Variants in KIF13B observed in about 807,000 individuals in gnomAD.
KIF13B encodes the protein kinesin-like protein KIF13B.
Under a neutral mutation model 222.0 loss-of-function variants are expected in KIF13B, and 127 were observed. That is an observed-to-expected ratio of 0.57 (90% CI 0.50 to 0.66). The LOEUF (loss-of-function observed/expected upper bound fraction) is 0.66, where lower values mean the gene tolerates loss of function less well. KIF13B is among the 30% of genes least tolerant of loss of function. The pLI is 0.00. For synonymous variants in KIF13B, 976 were observed against 919.0 expected, an observed-to-expected ratio of 1.06 and a Z score of -1.12; for missense variants, 2,173 against 2,379.0, an observed-to-expected ratio of 0.91 and a Z score of 1.80.
rs376603026 is a variant in KIF13B, at chr8:29,150,332, C to T, written c.1587G>A (p.Gly529=). 17 of 1,594,272 alleles carry T rather than the reference C, an allele frequency of 1.1e-5. No individual in the cohort carries two copies. The highest frequency in any genetic ancestry group is 1.3e-5 in the Non-Finnish European group (15 of 1,164,762). The part of the protein sequence containing the change: ...SVSSPIQLHH[G]DRILWGNNHF... ...GATTGTTTCCCCATAATATCCTGTC[C>T]CCATGGTGTAGCTGTATTGGACTGG... Residue 529 remains glycine (G), a synonymous_variant, in exon 15 of 40, where the codon GGG becomes GGA. Coordinates refer to ENST00000524189, the MANE Select transcript of KIF13B (RefSeq NM_015254.4).
intron 13 of KIF13B, among the ~76,000 whole-genome samples, chr8:29,156,275 A>G (rs1312556117): frequency 6.6e-6 from 1 of 152,092 alleles, no homozygotes; most frequent in African/African-American, 2.4e-5. Flanking sequence ...CTGGCCTAAA[A>G]GATTTTTTAA....
At chr8:29,135,602 T>C (rs1259182270) in intron 21 of KIF13B, among the ~76,000 whole-genome samples, 3 of 152,206 alleles carry the variant, frequency 2.0e-5, no homozygotes, top group African/African-American at 7.2e-5. Context: ...TATGAGTTCA[T>C]GTAGTTCAGA....
chr8:29,207,020 C>T (rs1442879408), intron 2 of KIF13B, among the ~76,000 whole-genome samples: 1 of 152,148 alleles, frequency 6.6e-6, no homozygotes, highest in Non-Finnish European at 1.5e-5. Flanking sequence ...TAGCTGTGCT[C>T]TCACCCAAGC....
intron 13 of KIF13B, among the ~76,000 whole-genome samples, chr8:29,159,506 G>T (rs1413046426): frequency 6.6e-6 from 1 of 152,072 alleles, no homozygotes; most frequent in Non-Finnish European, 1.5e-5. Flanking sequence ...AACCATACAG[G>T]TATCAAACAA....
intron 2 of KIF13B, among the ~76,000 whole-genome samples, chr8:29,209,928 C>T (rs1424933998): frequency 6.7e-6 from 1 of 150,342 alleles, no homozygotes. Flanking sequence ...GTGATGCACA[C>T]GTCTGTATTC....
intron 2 of KIF13B, among the ~76,000 whole-genome samples, chr8:29,198,328 G>GTT (rs11450963): frequency 1.2e-4 from 18 of 150,390 alleles, no homozygotes; most frequent in South Asian, 2.1e-4. Flanking sequence ...TTTGTTTTTT[G>GTT]TTTTTTTTTG....
intron 35 of KIF13B, among the ~76,000 whole-genome samples, chr8:29,107,028 T>C (rs1809103989): frequency 6.6e-6 from 1 of 152,230 alleles, no homozygotes. Context: ...TTTCAAGGAG[T>C]GCTAACCTTT....
chr8:29,209,264 AG>A (rs1814097996), intron 2 of KIF13B, among the ~76,000 whole-genome samples: 2 of 152,200 alleles, frequency 1.3e-5, no homozygotes, highest in Admixed American at 1.3e-4. Flanking sequence ...AGTCGTACCC[AG>A]GCTACAGAAA....
At chr8:29,129,005 A>G (rs912027115) in intron 24 of KIF13B, among the ~76,000 whole-genome samples, 1 of 152,098 alleles carries the variant, frequency 6.6e-6, no homozygotes, top group African/African-American at 2.4e-5. Context: ...ATGACTTTCT[A>G]TCCAAATGGA....
intron 19 of KIF13B, 69 bp downstream of exon 19, chr8:29,142,088 G>T: frequency 7.6e-7 from 1 of 1,310,592 alleles, no homozygotes; most frequent in South Asian, 1.3e-5. Flanking sequence ...CCCCTGAAAT[G>T]GGTAGACTCA....
intron 2 of KIF13B, among the ~76,000 whole-genome samples, chr8:29,229,798 T>C (rs1815203472): frequency 1.3e-5 from 2 of 152,162 alleles, no homozygotes; most frequent in South Asian, 4.1e-4. Context: ...GAAACTACAC[T>C]TAGATCTACA....
intron 2 of KIF13B, among the ~76,000 whole-genome samples, chr8:29,235,832 A>C (rs1009830903): frequency 6.6e-6 from 1 of 152,204 alleles, no homozygotes; most frequent in South Asian, 2.1e-4. Flanking sequence ...CTGGTTAGAA[A>C]GCTACGTTGT....
At chr8:29,169,803 G>A (rs942684928) in intron 10 of KIF13B, among the ~76,000 whole-genome samples, 10 of 152,228 alleles carry the variant, frequency 6.6e-5, no homozygotes, top group African/African-American at 1.4e-4. Flanking sequence ...GTGATATAAC[G>A]AAAGCACAGG....
chr8:29,159,221 G>C (rs1811663235), intron 13 of KIF13B, among the ~76,000 whole-genome samples: 1 of 152,104 alleles, frequency 6.6e-6, no homozygotes, highest in Admixed American at 6.6e-5. Context: ...CATGATCTCA[G>C]CTCACTGCAA....
At chr8:29,192,495 C>G (rs1487843322) in intron 3 of KIF13B, among the ~76,000 whole-genome samples, 2 of 152,206 alleles carry the variant, frequency 1.3e-5, no homozygotes, top group Admixed American at 6.5e-5. Context: ...AAGCAATCCT[C>G]TAGCCTCAGC....
At chr8:29,085,359 TCACTA>T in intron 37 of KIF13B, among the ~76,000 whole-genome samples, 1 of 152,174 alleles carries the variant, frequency 6.6e-6, no homozygotes, top group East Asian at 1.9e-4. Context: ...AATCATTCCT[TCACTA>T]CACAACTTGT....
chr8:29,236,092 C>G (rs1043581549), intron 2 of KIF13B, among the ~76,000 whole-genome samples: 6 of 152,160 alleles, frequency 3.9e-5, no homozygotes, highest in African/African-American at 1.4e-4. Flanking sequence ...GTGCAGACCA[C>G]ATCTCAATCC....
chr8:29,080,391 A>T (rs1036546598), intron 37 of KIF13B, among the ~76,000 whole-genome samples: 4 of 151,842 alleles, frequency 2.6e-5, no homozygotes, highest in African/African-American at 9.7e-5. Context: ...TAATCAATAG[A>T]AACACTTTTC....
At chr8:29,221,327 T>G (rs1296134941) in intron 2 of KIF13B, among the ~76,000 whole-genome samples, 1 of 151,830 alleles carries the variant, frequency 6.6e-6, no homozygotes, top group Admixed American at 6.6e-5. Context: ...GGTCTCGAAC[T>G]GCTGACCTCA....
Sources: allele counts gnomAD v4.1 joint callset (sites outside exome capture counted in the v4.1 genomes callset), GRCh38; gene constraint gnomAD v4.1.1; transcripts MANE v1.5; gene names NCBI Gene and HGNC (gene_info 2026-07-23, HGNC 2026-07-21).